The following KMT2D variants were observed in gnomAD, a reference collection of about 807,000 sequenced individuals.
KMT2D encodes the protein histone-lysine N-methyltransferase 2D.
KMT2D carries 55 observed loss-of-function variants against 512.7 expected under a neutral mutation model. That is an observed-to-expected ratio of 0.11 (90% CI 0.09 to 0.13). KMT2D has a LOEUF of 0.13. KMT2D is among the 10% of genes least tolerant of loss of function. The pLI is 1.00. For synonymous variants in KMT2D, 2,995 were observed against 2,904.0 expected (o/e 1.03, Z -1.01); for missense variants, 6,061 against 7,127.9 (o/e 0.85, Z 5.39).
In KMT2D at chr12:49,043,014, G is replaced by C. The variant is rs956868720; in HGVS notation, c.5644+62C>G. On this transcript the variant is annotated intron_variant, in intron 26 of 54. Coordinates refer to ENST00000301067, the MANE Select transcript of KMT2D (RefSeq NM_003482.4). ...TGTACAGATCACAGTCCCAAAGATA[G>C]GACCTCCTCCTTCTCCCATAGAAAA... The C allele has an allele frequency of 3.2e-6, 5 of 1,558,842 alleles. No homozygotes were observed. In the African/African-American group the frequency reaches 6.8e-5, roughly 21 times the overall value.
Position 49,019,251 on chromosome 12 carries a change from GATTT to G in KMT2D, c.*2525_*2528del, listed in dbSNP as rs1463745898. Reference sequence around the variant, plus strand: ...CTTCACGGGATTCACACTTGTCAGCGATTTATTTTTTAAAAAGGGGGAGGGTCCT... The same window carrying G: ...CTTCACGGGATTCACACTTGTCAGCGATTTTTTAAAAAGGGGGAGGGTCCT... On this transcript the variant is annotated 3_prime_UTR_variant, in exon 55 of 55. Coordinates refer to ENST00000301067, the MANE Select transcript of KMT2D (RefSeq NM_003482.4). The G allele has an allele frequency of 1.2e-6, 1 of 838,490 alleles. No individual in the cohort carries two copies. Among genetic ancestry groups the G allele is most frequent in the Non-Finnish European group, 1.5e-6 (1 of 673,890 alleles). 51.9% of individuals were successfully genotyped at this position (838,490 alleles called of 1,614,324 possible). A position where few individuals can be genotyped will look rare whatever the true frequency, so the allele number is the denominator to read the frequency against.
Position 49,037,869 on chromosome 12 carries a change from T to A in KMT2D, c.9487A>T (p.Ser3163Cys), listed in dbSNP as rs2120486818. 1 of 1,597,082 alleles carries A rather than the reference T, an allele frequency of 6.3e-7. No individual in the cohort carries two copies. The highest frequency in any genetic ancestry group is 2.3e-5 in the East Asian group (1 of 44,038). ...GLKPGQSMMG[S>C]RDTRMGTGPF... is the part of the protein sequence containing the mutation. ...CCTGTGCCCATCCGGGTATCCCGGC[T>A]GCCCATCATGCTCTGTCCTGGCTTT... The change falls in exon 35 of 55, where the codon AGC (serine) becomes TGC (cysteine). Residue 3163 changes from serine (S) to cysteine (C), a missense_variant. Coordinates refer to ENST00000301067, the MANE Select transcript of KMT2D (RefSeq NM_003482.4).
At position 49,027,142 on chromosome 12, in the gene KMT2D, C is replaced by G. The variant is rs1002448611; in HGVS notation, c.14824G>C (p.Ala4942Pro). 8.3e-6 allele frequency: 13 copies of G among 1,574,038 alleles called. No individual in the cohort carries two copies. The highest frequency in any genetic ancestry group is 5.2e-5 in the Admixed American group (3 of 57,238). Reference sequence around the variant, plus strand: ...AGAGGTGAGGGGACGGGTGGCTCAGCCAAGGGTTCGGTGGGAAGTTCAACC... The same window carrying G: ...AGAGGTGAGGGGACGGGTGGCTCAGGCAAGGGTTCGGTGGGAAGTTCAACC... ...PLVELPTEPL[A>P]EPPVPSPLPL... The change falls in exon 49 of 55, where the codon GCT becomes CCT. Residue 4942 changes from alanine to proline, a missense_variant. Coordinates refer to ENST00000301067, the MANE Select transcript of KMT2D (RefSeq NM_003482.4).
In KMT2D at chr12:49,037,630, G is replaced by A. The variant is rs183688784; in HGVS notation, c.9726C>T (p.Ala3242=). 2,871 of 1,566,778 alleles carry A rather than the reference G, an allele frequency of 1.8e-3. 8 individuals carry two copies. Among genetic ancestry groups the A allele is most frequent in the Non-Finnish European group, 2.2e-3 (2,543 of 1,155,504 alleles). ...ELDKMESSLV[A]SELPLLIEDL... is the part of the protein sequence containing the mutation. The stretch of plus-strand genomic sequence containing the variant: ...CCTCAATGAGCAGGGGTAACTCGCT[G>A]GCTACCAGTGAGCTCTCCATCTTGT... The change falls in exon 35 of 55, where the codon GCC becomes GCT. Residue 3242 remains alanine (A), a synonymous_variant. Transcript: ENST00000301067.
intron 15 of KMT2D, among the ~76,000 whole-genome samples, chr12:49,047,213 T>C (rs1033113388): frequency 3.9e-5 from 6 of 151,908 alleles, no homozygotes; most frequent in Admixed American, 6.6e-5. Context: ...AGGCCTCCAT[T>C]TGAGCACACA....
rs747546549 is a variant in KMT2D at position 49,041,680 on chromosome 12, G to A, written c.6209C>T (p.Ala2070Val). ...CTTCTGCACCTTGTTGATGCGGTGA[G>A]CTGCCCGGTTATCTTTGGCCTTTTG... ...YLQKAKDNRA[A>V]HRINKVQKQA... Residue 2070 changes from alanine (A) to valine (V), a missense_variant, in exon 31 of 55, where the codon GCT becomes GTT. Coordinates refer to ENST00000301067, the MANE Select transcript of KMT2D (RefSeq NM_003482.4). The surrounding 1 kb of genome is among the most constrained non-coding windows in gnomAD (Gnocchi z 5.4). The A allele has an allele frequency of 1.9e-6, 3 of 1,612,640 alleles. No homozygotes were observed. In the African/African-American group the frequency reaches 4.0e-5, roughly 22 times the overall value.
Position 49,043,670 on chromosome 12 carries a change from C to T in KMT2D, c.5432G>A (p.Gly1811Asp), listed in dbSNP as rs773159666. Residue 1811 changes from glycine (G) to aspartate (D), a missense_variant, in exon 24 of 55, where the codon GGC becomes GAC. Physicochemically the swap from Gly to Asp is moderately conservative, Grantham distance 94 (BLOSUM62 -1). Coordinates refer to ENST00000301067, the MANE Select transcript of KMT2D (RefSeq NM_003482.4). ...LGTPKAKGDG[G>D]SERKELPTSQ... ...TGTGGGGAGTTCCTTCCTTTCTGAGCCTCCATCTCCCTTGGCTTTTGGGGT... is the reference window on the plus strand; with the variant it reads ...TGTGGGGAGTTCCTTCCTTTCTGAGTCTCCATCTCCCTTGGCTTTTGGGGT... 6.2e-7 allele frequency: 1 copy of T among 1,614,030 alleles called. No individual in the cohort carries two copies. The highest frequency in any genetic ancestry group is 8.5e-7 in the Non-Finnish European group (1 of 1,179,886).
In KMT2D at chr12:49,052,195, C is replaced by T. The variant is rs534236560; in HGVS notation, c.1488G>A (p.Pro496=). 63 of 1,611,972 alleles carry T rather than the reference C, an allele frequency of 3.9e-5. No homozygotes were observed. Among genetic ancestry groups the T allele is most frequent in the Middle Eastern group, 1.7e-4 (1 of 6,042 alleles). ...SRPLEESPLS[P]PPEESPLSPP... ...GAGACAGAGGAGACTCCTCAGGCGG[C>T]GGAGAGAGGGGCGATTCCTCCAGCG... The change falls in exon 11 of 55, where the codon CCG becomes CCA. Residue 496 remains proline (P), a synonymous_variant. Coordinates refer to ENST00000301067, the MANE Select transcript of KMT2D (RefSeq NM_003482.4).
chr12:49,046,400 C>A lies in KMT2D; in HGVS notation c.4443G>T (p.Gly1481=), dbSNP rs1313369082. The A allele has an allele frequency of 1.2e-6, 2 of 1,613,916 alleles. No individual in the cohort carries two copies. The highest frequency in any genetic ancestry group is 1.6e-4 in the Middle Eastern group (1 of 6,062). The change falls in exon 17 of 55, where the codon GGG becomes GGT. Residue 1481 remains glycine (G), a synonymous_variant. Transcript: ENST00000301067. This position sits in a 1 kb window ranked among gnomAD's most constrained non-coding sequence, Gnocchi z 4.2. The part of the protein sequence containing the change: ...CKWCVSCMQC[G]AASPGFHCEW... ...CACAGTGGAAGCCAGGGGAAGCAGC[C>A]CCACACTGCATACAGGACACACACC...
Position 49,041,434 on chromosome 12 carries a change from T to A in KMT2D, c.6336A>T (p.Ala2112=), listed in dbSNP as rs2120546914. ...LHLRIPPQPG[A]LGSPPPAAAP... ...CAGCAGCGGGGGGCGGGCTGCCCAG[T>A]GCCCCTGGCTGCGGGGGAATGCGGA... is the stretch of plus-strand genomic sequence containing the variant. The change falls in exon 32 of 55, where the codon GCA becomes GCT. Residue 2112 remains alanine, a synonymous_variant. Transcript: ENST00000301067. This position sits in a 1 kb window ranked among gnomAD's most constrained non-coding sequence, Gnocchi z 5.4. 1 of 1,611,420 alleles carries A rather than the reference T, an allele frequency of 6.2e-7. No homozygotes were observed. Among genetic ancestry groups the A allele is most frequent in the Non-Finnish European group, 8.5e-7 (1 of 1,177,996 alleles).
Position 49,051,435 on chromosome 12 carries a change from G to A in KMT2D, c.2248C>T (p.Pro750Ser). The A allele has an allele frequency of 6.2e-7, 1 of 1,610,708 alleles. No individual in the cohort carries two copies. The highest frequency in any genetic ancestry group is 1.1e-5 in the South Asian group (1 of 90,896). Reference protein sequence around the residue: ...GPHLSPRPEEPHLSPRPEEPH... With the variant: ...GPHLSPRPEESHLSPRPEEPH... ...TCCTCAGGCCGGGGGGACAGGTGCG[G>A]CTCCTCAGGCCGGGGTGACAGGTGC... Residue 750 changes from proline to serine, a missense_variant, in exon 11 of 55, where the codon CCG (proline) becomes TCG (serine). Transcript: ENST00000301067.
Position 49,037,792 on chromosome 12 carries a change from C to A in KMT2D, c.9564G>T (p.Thr3188=), listed in dbSNP as rs1438467632. ...HTAEKASFGA[T]GGPPAHLLTP... The stretch of plus-strand genomic sequence containing the variant: ...TCAGCAGGTGAGCTGGTGGTCCTCC[C>A]GTGGCCCCAAAGGAGGCCTTCTCAG... Residue 3188 remains threonine, a synonymous_variant, in exon 35 of 55, where the codon ACG becomes ACT. Transcript: ENST00000301067. 1.3e-6 allele frequency: 2 copies of A among 1,596,456 alleles called. No individual in the cohort carries two copies. The highest frequency in any genetic ancestry group is 2.3e-5 in the East Asian group (1 of 44,002).
Position 49,039,045 on chromosome 12 carries a change from A to T in KMT2D, c.8367-56T>A, listed in dbSNP as rs773109515. 5 of 1,539,186 alleles carry T rather than the reference A, an allele frequency of 3.2e-6. No individual in the cohort carries two copies. The highest frequency in any genetic ancestry group is 4.4e-6 in the Non-Finnish European group (5 of 1,132,196). On this transcript the variant is annotated intron_variant, in intron 34 of 54. Transcript: ENST00000301067. The surrounding 1 kb of genome is among the most constrained non-coding windows in gnomAD (Gnocchi z 5.0). Reference sequence around the variant, plus strand: ...AAATCAGATGAAAAGGAGCAAGAACATGGGCTTAGGGCAGTGAGGAAGGAT... The same window carrying T: ...AAATCAGATGAAAAGGAGCAAGAACTTGGGCTTAGGGCAGTGAGGAAGGAT...
chr12:49,044,771 C>A lies in KMT2D; in HGVS notation c.4936G>T (p.Asp1646Tyr), dbSNP rs561131614. The A allele has an allele frequency of 3.1e-6, 5 of 1,613,958 alleles. No homozygotes were observed. In the South Asian group the frequency reaches 5.5e-5, roughly 18 times the overall value. ...GPDDKKDGDLDTDELLKGEGG... is the reference protein window; with the variant it reads ...GPDDKKDGDLYTDELLKGEGG... Reference sequence around the variant, plus strand: ...TCACCCTTGAGCAGCTCATCGGTGTCCAGGTCCCCATCCTTCTTGTCATCA... The same window carrying A: ...TCACCCTTGAGCAGCTCATCGGTGTACAGGTCCCCATCCTTCTTGTCATCA... The change falls in exon 20 of 55, where the codon GAC (aspartate) becomes TAC (tyrosine). Residue 1646 changes from aspartate (D) to tyrosine (Y), a missense_variant. Around this residue, in one of 16 missense-constraint regions of KMT2D, gnomAD observed 640 missense variants for 814.3 expected, o/e 0.79. Coordinates refer to ENST00000301067, the MANE Select transcript of KMT2D (RefSeq NM_003482.4). This position sits in a 1 kb window ranked among gnomAD's most constrained non-coding sequence, Gnocchi z 6.4.
chr12:49,040,559 G>C lies in KMT2D; in HGVS notation c.7211C>G (p.Pro2404Arg). The C allele has an allele frequency of 6.2e-7, 1 of 1,612,276 alleles. No individual in the cohort carries two copies. The highest frequency in any genetic ancestry group is 8.5e-7 in the Non-Finnish European group (1 of 1,178,746). ...SCCALPPRSLPSDPFSRVPAS... is the reference protein window; with the variant it reads ...SCCALPPRSLRSDPFSRVPAS... ...AGGCACTCGGGAGAAAGGGTCGGAG[G>C]GCAGTGAGCGAGGGGGCAGAGCACA... Residue 2404 changes from proline to arginine, a missense_variant, in exon 32 of 55, where the codon CCC becomes CGC. Pro to Arg is a moderately radical substitution (Grantham distance 103, BLOSUM62 -2). Coordinates refer to ENST00000301067, the MANE Select transcript of KMT2D (RefSeq NM_003482.4).
chr12:49,051,592 G>T lies in KMT2D; in HGVS notation c.2091C>A (p.Pro697=). ...GTGAGTCCTCAGGTGGTGGGGATGT[G>T]GGGGAGTCCTCAGGTGGTGGGGAGA... The part of the protein sequence containing the change: ...SRLSPPPEDS[P]TSPPPEDSPA... The change falls in exon 11 of 55, where the codon CCC becomes CCA. Residue 697 remains proline, a synonymous_variant. Coordinates refer to ENST00000301067, the MANE Select transcript of KMT2D (RefSeq NM_003482.4). 1 of 1,594,106 alleles carries T rather than the reference G, an allele frequency of 6.3e-7. No homozygotes were observed. Among genetic ancestry groups the T allele is most frequent in the Non-Finnish European group, 8.6e-7 (1 of 1,168,050 alleles).
In KMT2D at chr12:49,043,373, G is replaced by A. The variant is rs202165318; in HGVS notation, c.5523C>T (p.Ala1841=). The part of the protein sequence containing the change: ...DEESRGLEGK[A]DTPGPEDGGV... Reference sequence around the variant, plus strand: ...CCCGGCAGCCCTCACCTGGTGTATCGGCTTTGCCCTCGAGGCCACGGGATT... The same window carrying A: ...CCCGGCAGCCCTCACCTGGTGTATCAGCTTTGCCCTCGAGGCCACGGGATT... The change falls in exon 25 of 55, where the codon GCC becomes GCT. Residue 1841 remains alanine, a synonymous_variant. Coordinates refer to ENST00000301067, the MANE Select transcript of KMT2D (RefSeq NM_003482.4). 152 of 1,613,918 alleles carry A rather than the reference G, an allele frequency of 9.4e-5. No individual in the cohort carries two copies. The African/African-American group carries it at 1.3e-3, about 13-fold the overall frequency.
Position 49,038,704 on chromosome 12 carries a change from T to G in KMT2D, c.8652A>C (p.Val2884=). The change falls in exon 35 of 55, where the codon GTA becomes GTC. Residue 2884 remains valine, a synonymous_variant. Coordinates refer to ENST00000301067, the MANE Select transcript of KMT2D (RefSeq NM_003482.4). The surrounding 1 kb of genome is among the most constrained non-coding windows in gnomAD (Gnocchi z 5.7). ...TGCCCCCAGGTCCCAGTCCTTTCTG[T>G]ACATTGTGCCGCAGCTCAATGAACT... The part of the protein sequence containing the change: ...PAQFIELRHN[V]QKGLGPGGTP... 6.2e-7 allele frequency: 1 copy of G among 1,611,298 alleles called. No homozygotes were observed.
chr12:49,039,758 C>G lies in KMT2D; in HGVS notation c.8012G>C (p.Gly2671Ala), dbSNP rs1943402849. 6.2e-7 allele frequency: 1 copy of G among 1,613,688 alleles called. No homozygotes were observed. The highest frequency in any genetic ancestry group is 8.5e-7 in the Non-Finnish European group (1 of 1,179,872). ...LPGTQDPGMS[G>A]LSQTELEKQR... is the part of the protein sequence containing the mutation. ...CTTCTCCAGCTCTGTTTGGCTAAGG[C>G]CGGACATGCCTGGGTCCTGGGTACC... Residue 2671 changes from glycine to alanine, a missense_variant, in exon 32 of 55, where the codon GGC becomes GCC. This residue lies in a region of KMT2D where 527 missense variants were observed against 578.9 expected (regional missense o/e 0.91). Coordinates refer to ENST00000301067, the MANE Select transcript of KMT2D (RefSeq NM_003482.4). The surrounding 1 kb of genome is among the most constrained non-coding windows in gnomAD (Gnocchi z 5.0).
Sources: gnomAD v4.1 joint callset for allele counts (sites outside exome capture counted in the v4.1 genomes callset) on GRCh38, gnomAD v4.1.1 for gene constraint, gnomAD v4.1.1 regional missense constraint, Gnocchi (gnomAD v3.1) non-coding constraint, MANE v1.5 for transcripts, NCBI Gene and HGNC (gene_info 2026-07-23, HGNC 2026-07-21) for gene names.